HPSE2: variants seen among roughly 807,000 people sequenced by gnomAD.
HPSE2 encodes inactive heparanase-2.
HPSE2 carries 38 observed loss-of-function variants against 60.5 expected under a neutral mutation model. That is an observed-to-expected ratio of 0.63 (90% CI 0.48 to 0.82). The LOEUF (loss-of-function observed/expected upper bound fraction) is 0.82, where lower values mean the gene tolerates loss of function less well. Ranked by LOEUF, HPSE2 falls within the 40% of genes least tolerant of loss-of-function variation. The pLI is 0.00. For missense variants in HPSE2, 713 were observed against 740.4 expected (o/e 0.96, Z 0.43); for synonymous variants, 295 against 293.2 (o/e 1.01, Z -0.06).
At chr10:99,114,917 A>AAAGAAGAAG (rs974215583) in intron 3 of HPSE2, among the ~76,000 whole-genome samples, 1 of 150,930 alleles carries the variant, frequency 6.6e-6, no homozygotes, top group East Asian at 2.0e-4. Context: ...AAAAAAAAAA[A>AAAGAAGAAG]AAGAAGAAGA....
intron 3 of HPSE2, among the ~76,000 whole-genome samples, chr10:98,955,955 A>G (rs1955500148): frequency 6.6e-6 from 1 of 151,988 alleles, no homozygotes; most frequent in African/African-American, 2.4e-5. Flanking sequence ...AGGGCCTCTC[A>G]GGAGTGAAGG....
chr10:98,705,164 G>A (rs538425579), intron 5 of HPSE2, among the ~76,000 whole-genome samples: 1 of 152,198 alleles, frequency 6.6e-6, no homozygotes, highest in African/African-American at 2.4e-5. Flanking sequence ...AAGCTCAACA[G>A]CATTGATCAT....
At chr10:99,260,859 TC>T in the HPSE2 span, among the ~76,000 whole-genome samples, 1 of 152,160 alleles carries the variant, frequency 6.6e-6, no homozygotes, top group Non-Finnish European at 1.5e-5. Context: ...CCTCCATTCC[TC>T]CTTCTTCTCC....
At chr10:98,889,483 C>T (rs2134924433) in intron 3 of HPSE2, among the ~76,000 whole-genome samples, 1 of 152,080 alleles carries the variant, frequency 6.6e-6, no homozygotes, top group Middle Eastern at 3.4e-3. Flanking sequence ...GCTGGGATTA[C>T]AGGCGTGAGC....
intron 3 of HPSE2, among the ~76,000 whole-genome samples, chr10:98,923,904 G>C (rs1019859898): frequency 6.6e-6 from 1 of 152,030 alleles, no homozygotes; most frequent in Non-Finnish European, 1.5e-5. Context: ...ATTGATCCCT[G>C]GTACCTCATT....
At chr10:99,269,530 C>T in the HPSE2 span, among the ~76,000 whole-genome samples, 1 of 152,134 alleles carries the variant, frequency 6.6e-6, no homozygotes, top group Non-Finnish European at 1.5e-5. Context: ...ACTCCACTAA[C>T]AGCACTAGAC....
the HPSE2 span, among the ~76,000 whole-genome samples, chr10:99,250,142 CAAA>C: frequency 7.3e-6 from 1 of 137,374 alleles, no homozygotes; most frequent in African/African-American, 2.9e-5. Context: ...AACTCCATCT[CAAA>C]AAAAAAAAAA....
chr10:98,938,775 C>T (rs1459215362), intron 3 of HPSE2, among the ~76,000 whole-genome samples: 6 of 143,380 alleles, frequency 4.2e-5, no homozygotes, highest in African/African-American at 1.7e-4. Context: ...CCCCAAGACA[C>T]ATCATTGTCA....
intron 7 of HPSE2, among the ~76,000 whole-genome samples, chr10:98,638,438 C>G (rs1946557395): frequency 6.6e-6 from 1 of 152,142 alleles, no homozygotes; most frequent in African/African-American, 2.4e-5. Context: ...GAGCGAGACT[C>G]TGTCACAAAA....
At chr10:98,964,284 TA>T (rs1955758397) in intron 3 of HPSE2, among the ~76,000 whole-genome samples, 1 of 152,148 alleles carries the variant, frequency 6.6e-6, no homozygotes, top group African/African-American at 2.4e-5. Flanking sequence ...TACAGAAATC[TA>T]AGCTCTTTGA....
intron 3 of HPSE2, among the ~76,000 whole-genome samples, chr10:98,766,988 C>G (rs1380781593): frequency 6.6e-6 from 1 of 152,076 alleles, no homozygotes; most frequent in Admixed American, 6.6e-5. Context: ...ACCATATTAA[C>G]AGACTACATA....
At chr10:99,182,860 G>A (rs886100879) in intron 2 of HPSE2, among the ~76,000 whole-genome samples, 4 of 151,964 alleles carry the variant, frequency 2.6e-5, no homozygotes, top group African/African-American at 9.7e-5. Flanking sequence ...GCCAGGTGTG[G>A]TGGCAGGCGC....
chr10:99,256,377 G>GTGGGTTGCC, the HPSE2 span, among the ~76,000 whole-genome samples: 10 of 128,452 alleles, frequency 7.8e-5, no homozygotes, highest in Non-Finnish European at 1.2e-4. Flanking sequence ...ATGTGTAGGG[G>GTGGGTTGCC]CAACCCACCC....
chr10:98,705,557 C>T (rs893635405), intron 5 of HPSE2, among the ~76,000 whole-genome samples: 1 of 152,140 alleles, frequency 6.6e-6, no homozygotes, highest in Non-Finnish European at 1.5e-5. Context: ...ACAGACACAC[C>T]ATGGAATAAT....
chr10:98,691,864 G>A (rs952960416), intron 6 of HPSE2, among the ~76,000 whole-genome samples: 5 of 152,104 alleles, frequency 3.3e-5, no homozygotes, highest in Admixed American at 6.6e-5. Context: ...ATACAATAAG[G>A]CATATAAAGT....
intron 3 of HPSE2, among the ~76,000 whole-genome samples, chr10:98,892,666 AC>A (rs1439461549): frequency 6.6e-6 from 1 of 152,160 alleles, no homozygotes; most frequent in African/African-American, 2.4e-5. Context: ...ACTTCCAAAA[AC>A]CACAAGCTAA....
chr10:99,310,006 G>T, the HPSE2 span, among the ~76,000 whole-genome samples: 7 of 152,152 alleles, frequency 4.6e-5, no homozygotes, highest in Non-Finnish European at 8.8e-5. Context: ...CCCTCCAAAA[G>T]CCCTAGGGGA....
chr10:98,728,337 C>G (rs10786465), intron 4 of HPSE2, among the ~76,000 whole-genome samples: 147,140 of 152,280 alleles, frequency 0.97, 71,271 homozygotes, highest in East Asian at 1. Flanking sequence ...AGAATTAAGG[C>G]CTAGGCATGG....
chr10:98,979,016 G>A (rs1956149360), intron 3 of HPSE2, among the ~76,000 whole-genome samples: 1 of 152,114 alleles, frequency 6.6e-6, no homozygotes, highest in South Asian at 2.1e-4. Flanking sequence ...GGCCTATTTA[G>A]TGCCACCGTT....
Sources: allele counts gnomAD v4.1 joint callset (sites outside exome capture counted in the v4.1 genomes callset), GRCh38; gene constraint gnomAD v4.1.1; transcripts MANE v1.5; gene names NCBI Gene and HGNC (gene_info 2026-07-23, HGNC 2026-07-21).